Variants in GARRE1 observed in about 807,000 individuals in gnomAD.
The protein encoded by GARRE1 is granule associated Rac and RHOG effector 1.
GARRE1 carries 49 observed loss-of-function variants against 103.2 expected under a neutral mutation model. The ratio of observed to expected loss-of-function variants is 0.47; its 90% confidence interval spans 0.38 to 0.60. GARRE1 has a LOEUF of 0.60. Ranked by LOEUF, GARRE1 falls within the 20% of genes least tolerant of loss-of-function variation. The probability of loss-of-function intolerance (pLI) is 0.00; values close to 1 mark genes in which losing one functional copy is unlikely to be tolerated. For missense variants in GARRE1, 1,199 were observed against 1,370.5 expected (o/e 0.87, Z 1.98); for synonymous variants, 505 against 532.8 (o/e 0.95, Z 0.72).
chr19:34,295,611 C>A (rs990302559), intron 1 of GARRE1, among the ~76,000 whole-genome samples: 1 of 152,078 alleles, frequency 6.6e-6, no homozygotes, highest in Admixed American at 6.6e-5. Flanking sequence ...CCCACTGCAG[C>A]TTAAAACTCC....
At chr19:34,301,107 A>G in intron 2 of GARRE1, 139 bp downstream of exon 2, 1 of 927,780 alleles carries the variant, frequency 1.1e-6, no homozygotes, top group Non-Finnish European at 1.6e-6. Context: ...TTTGTAAAAA[A>G]TGTGTGCGTG....
intron 2 of GARRE1, among the ~76,000 whole-genome samples, chr19:34,306,278 G>A (rs535858592): frequency 1.1e-4 from 17 of 152,342 alleles, no homozygotes; most frequent in African/African-American, 3.6e-4. Flanking sequence ...AGGACTGTGG[G>A]TGAGAAAAGC....
intron 1 of GARRE1, among the ~76,000 whole-genome samples, chr19:34,293,048 G>C (rs2073926875): frequency 6.6e-6 from 1 of 152,094 alleles, no homozygotes; most frequent in Non-Finnish European, 1.5e-5. Context: ...GTGTTTTGAT[G>C]TTTCCACATC....
chr19:34,310,988 T>G (rs1442815975), intron 2 of GARRE1, among the ~76,000 whole-genome samples: 1 of 152,058 alleles, frequency 6.6e-6, no homozygotes, highest in Non-Finnish European at 1.5e-5. Context: ...TTTCTTTACC[T>G]TCTTTCTGCC....
In GARRE1 at chr19:34,327,304, G is replaced by T. The variant is rs1322016761; in HGVS notation, c.706-117G>T. Reference sequence around the variant, plus strand: ...CTAGAACTTCTAGTTTATTTGCTTAGATGGTTTATTGCTGCATTTTACTTG... The same window carrying T: ...CTAGAACTTCTAGTTTATTTGCTTATATGGTTTATTGCTGCATTTTACTTG... On this transcript the variant is annotated intron_variant, in intron 3 of 13. Transcript: ENST00000299505. The T allele has an allele frequency of 3.2e-6, 3 of 949,282 alleles. No individual in the cohort carries two copies. The South Asian group carries it at 5.2e-5, about 16-fold the overall frequency. The allele number at this position is 949,282 out of a possible 1,614,324, so 58.8% of individuals were successfully genotyped here.
intron 1 of GARRE1, among the ~76,000 whole-genome samples, chr19:34,292,583 ATT>A (rs960331738): frequency 6.7e-6 from 1 of 149,022 alleles, no homozygotes; most frequent in Non-Finnish European, 1.5e-5. Context: ...ATTTTACTTT[ATT>A]TTTTTTTTGA....
In GARRE1 at chr19:34,327,786, CTGG is replaced by C; in HGVS notation, c.863_865del (p.Leu288_Glu289delinsGln). ...TTATTTCCAGGCATATAAGATAGCT[CTGG>C]AAAGCTTAGGACACTGTGAATATGC... is the stretch of plus-strand genomic sequence containing the variant. On this transcript the variant is annotated inframe_deletion, in exon 5 of 14. Transcript: ENST00000299505. 1 of 1,613,948 alleles carries C rather than the reference CTGG, an allele frequency of 6.2e-7. No individual in the cohort carries two copies. The highest frequency in any genetic ancestry group is 8.5e-7 in the Non-Finnish European group (1 of 1,179,854).
chr19:34,344,843 T>C (rs2074203483), intron 10 of GARRE1, among the ~76,000 whole-genome samples: 1 of 150,514 alleles, frequency 6.6e-6, no homozygotes, highest in African/African-American at 2.4e-5. Flanking sequence ...CCAGCTAATT[T>C]TTTTTTTTTT....
At chr19:34,308,883 A>G (rs2074023849) in intron 2 of GARRE1, among the ~76,000 whole-genome samples, 1 of 152,210 alleles carries the variant, frequency 6.6e-6, no homozygotes, top group Non-Finnish European at 1.5e-5. Context: ...CCAGTGGCCA[A>G]CAGTGGAGGA....
rs537354008 is a variant in GARRE1 at position 34,338,023 on chromosome 19, C to T, written c.1362-1844C>T. ...TCTAGCTGGGCACTAGCAGAGCTTGCGTTGTTGTTCACCCTTTCCAGGCTT... is the reference window on the plus strand; with the variant it reads ...TCTAGCTGGGCACTAGCAGAGCTTGTGTTGTTGTTCACCCTTTCCAGGCTT... On this transcript the variant is annotated intron_variant, in intron 8 of 13. Transcript: ENST00000299505. Among the ~76,000 whole-genome samples, 3 of 152,284 alleles carry T rather than the reference C, an allele frequency of 2.0e-5. No individual in the cohort carries two copies. In the East Asian group the frequency reaches 5.8e-4, roughly 29 times the overall value.
chr19:34,330,545 A>G (rs1342872942), intron 7 of GARRE1, among the ~76,000 whole-genome samples, 198 bp downstream of exon 7: 1 of 152,198 alleles, frequency 6.6e-6, no homozygotes, highest in Admixed American at 6.5e-5. Context: ...AACCAGATTG[A>G]TAATATATAT....
chr19:34,280,474 C>T (rs1245870000), intron 1 of GARRE1, among the ~76,000 whole-genome samples: 1 of 152,080 alleles, frequency 6.6e-6, no homozygotes, highest in Non-Finnish European at 1.5e-5. Flanking sequence ...AATTCCTTTT[C>T]CCATATGTGA....
chr19:34,320,769 T>A (rs1327336267), intron 3 of GARRE1, among the ~76,000 whole-genome samples: 2 of 151,264 alleles, frequency 1.3e-5, no homozygotes, highest in African/African-American at 4.8e-5. Context: ...TTGCCCAGGC[T>A]GAAGTGCAGT....
chr19:34,326,842 T>A (rs941218834), intron 3 of GARRE1, among the ~76,000 whole-genome samples: 1 of 152,100 alleles, frequency 6.6e-6, no homozygotes, highest in African/African-American at 2.4e-5. Flanking sequence ...TAAGTCTTTT[T>A]TCCAGGGTTC....
chr19:34,272,099 A>G (rs946943262), intron 1 of GARRE1, among the ~76,000 whole-genome samples: 1 of 152,232 alleles, frequency 6.6e-6, no homozygotes, highest in Non-Finnish European at 1.5e-5. Context: ...GACAGGCTAG[A>G]CAACAGGACG....
intron 2 of GARRE1, among the ~76,000 whole-genome samples, chr19:34,303,993 G>A (rs1355759867): frequency 6.6e-6 from 1 of 152,160 alleles, no homozygotes; most frequent in African/African-American, 2.4e-5. Flanking sequence ...TCTATTCTAT[G>A]GATGGGGTTT....
intron 2 of GARRE1, among the ~76,000 whole-genome samples, chr19:34,315,007 T>C (rs2074053711): frequency 6.6e-6 from 1 of 152,190 alleles, no homozygotes; most frequent in Admixed American, 6.5e-5. Flanking sequence ...ACATTTAAGG[T>C]ATAAATGAGT....
chr19:34,340,903 A>C (rs1244553386), intron 9 of GARRE1, among the ~76,000 whole-genome samples: 2 of 152,214 alleles, frequency 1.3e-5, no homozygotes, highest in African/African-American at 4.8e-5. Flanking sequence ...CACCTGCCTC[A>C]GCTCCTGCCC....
Position 34,319,942 on chromosome 19 carries a change from C to T in GARRE1, c.531C>T (p.Val177=). 1 of 1,614,242 alleles carries T rather than the reference C, an allele frequency of 6.2e-7. No individual in the cohort carries two copies. Among genetic ancestry groups the T allele is most frequent in the Non-Finnish European group, 8.5e-7 (1 of 1,180,038 alleles). Reference sequence around the variant, plus strand: ...GATGTTTCCTGACTGTGGTGCAAGTCCATTTCCAGTTTTTGACTCATGCGT... The same window carrying T: ...GATGTTTCCTGACTGTGGTGCAAGTTCATTTCCAGTTTTTGACTCATGCGT... The part of the protein sequence containing the change: ...LGRCFLTVVQ[V]HFQFLTHALQ... Residue 177 remains valine (V), a synonymous_variant, in exon 3 of 14, where the codon GTC becomes GTT. Transcript: ENST00000299505.
Sources: gnomAD v4.1 joint callset for allele counts (sites outside exome capture counted in the v4.1 genomes callset) on GRCh38, gnomAD v4.1.1 for gene constraint, MANE v1.5 for transcripts, NCBI Gene and HGNC (gene_info 2026-07-23, HGNC 2026-07-21) for gene names.